Variants in FGF10 observed in about 807,000 individuals in gnomAD.
The protein encoded by FGF10 is fibroblast growth factor 10, also known as FGF-10.
FGF10 carries 2 observed loss-of-function variants against 19.8 expected under a neutral mutation model. The observed-to-expected ratio is 0.10, with a 90% CI of 0.04 to 0.32. FGF10 has a LOEUF of 0.32. Among genes scored for constraint, FGF10 ranks in the 10% least tolerant of loss-of-function variants. The pLI, the probability that FGF10 is intolerant of heterozygous loss-of-function variation, is 1.00. For synonymous variants in FGF10, 112 were observed against 94.0 expected (o/e 1.19, Z -1.10); for missense variants, 191 against 246.3 (o/e 0.78, Z 1.50).
chr5:44,329,414 A>C (rs2111753156), intron 1 of FGF10, among the ~76,000 whole-genome samples: 1 of 152,038 alleles, frequency 6.6e-6, no homozygotes, highest in South Asian at 2.1e-4. Flanking sequence ...TGACCTCTTG[A>C]TCCTCCCGCC....
chr5:44,364,394 A>G (rs377574708), intron 1 of FGF10, among the ~76,000 whole-genome samples: 1 of 151,924 alleles, frequency 6.6e-6, no homozygotes, highest in South Asian at 2.1e-4. Context: ...TTATTCTCCA[A>G]ATATAGTCAG....
chr5:44,315,027 G>C (rs1219405075), intron 1 of FGF10, among the ~76,000 whole-genome samples: 2 of 152,080 alleles, frequency 1.3e-5, no homozygotes, highest in Non-Finnish European at 2.9e-5. Flanking sequence ...TCTATAGACT[G>C]AGTAAATTAA....
chr5:44,325,112 C>A (rs1740580102), intron 1 of FGF10, among the ~76,000 whole-genome samples: 1 of 152,100 alleles, frequency 6.6e-6, no homozygotes, highest in Non-Finnish European at 1.5e-5. Flanking sequence ...GGCATTTATG[C>A]AGCCAAAAGA....
At chr5:44,321,755 A>G (rs2111728747) in intron 1 of FGF10, among the ~76,000 whole-genome samples, 1 of 152,256 alleles carries the variant, frequency 6.6e-6, no homozygotes, top group East Asian at 1.9e-4. Flanking sequence ...ACAGACAGAG[A>G]GCACACACAT....
At chr5:44,335,991 A>T (rs17234233) in intron 1 of FGF10, among the ~76,000 whole-genome samples, 122 of 152,230 alleles carry the variant, frequency 8.0e-4, no homozygotes, top group African/African-American at 2.9e-3. Flanking sequence ...GAAAACTGAA[A>T]TAAGATAACA....
At chr5:44,331,756 A>G (rs1373770747) in intron 1 of FGF10, among the ~76,000 whole-genome samples, 4 of 152,172 alleles carry the variant, frequency 2.6e-5, no homozygotes, top group Admixed American at 6.6e-5. Flanking sequence ...ATTGAAAATT[A>G]AAAGCAGTTA....
intron 1 of FGF10, among the ~76,000 whole-genome samples, chr5:44,350,936 A>G (rs1741218817): frequency 6.6e-6 from 1 of 151,402 alleles, no homozygotes; most frequent in South Asian, 2.1e-4. Flanking sequence ...TTAGTAAATA[A>G]TGCCCGCTGA....
intron 2 of FGF10, 117 bp from the exon 3 acceptor site, chr5:44,305,309 T>C (rs1740050570): frequency 3.5e-6 from 3 of 860,300 alleles, no homozygotes; most frequent in Admixed American, 3.9e-5. Flanking sequence ...CATTTGTACC[T>C]AAGTTGTGCA....
At chr5:44,320,214 C>G (rs1349106951) in intron 1 of FGF10, among the ~76,000 whole-genome samples, 4 of 152,168 alleles carry the variant, frequency 2.6e-5, no homozygotes, top group Admixed American at 6.5e-5. Context: ...CATCATAAAT[C>G]AGTTGCTTAC....
chr5:44,387,389 C>T (rs1742127338), intron 1 of FGF10, among the ~76,000 whole-genome samples: 1 of 152,098 alleles, frequency 6.6e-6, no homozygotes, highest in African/African-American at 2.4e-5. Flanking sequence ...GTAGGGATCC[C>T]AGGCATAATT....
At chr5:44,308,290 A>G (rs183512665) in intron 2 of FGF10, among the ~76,000 whole-genome samples, 1 of 152,322 alleles carries the variant, frequency 6.6e-6, no homozygotes, top group East Asian at 1.9e-4. Flanking sequence ...GTCAGAGTTT[A>G]TTTGAAAGTT....
In FGF10 at chr5:44,301,378, T is replaced by G. The variant is rs1247817989; in HGVS notation, c.*3617A>C. Among the ~76,000 whole-genome samples the G allele has an allele frequency of 6.6e-6, 1 of 152,222 alleles. No homozygotes were observed. Among genetic ancestry groups the G allele is most frequent in the African/African-American group, 2.4e-5 (1 of 41,468 alleles). On this transcript the variant is annotated 3_prime_UTR_variant, in exon 3 of 3. Coordinates refer to ENST00000264664, the MANE Select transcript of FGF10 (RefSeq NM_004465.2). ...CTTGAATTGGCAGCATCCAAATTAT[T>G]AGAACTGTGCAGCATTAATGCTGAT...
chr5:44,359,126 A>G (rs984734061), intron 1 of FGF10, among the ~76,000 whole-genome samples: 3 of 151,450 alleles, frequency 2.0e-5, no homozygotes, highest in Non-Finnish European at 3.0e-5. Context: ...AGCAAAGTCA[A>G]ATTATCATCT....
intron 1 of FGF10, among the ~76,000 whole-genome samples, chr5:44,312,498 C>A (rs1740236777): frequency 6.6e-6 from 1 of 152,078 alleles, no homozygotes; most frequent in Non-Finnish European, 1.5e-5. Context: ...CTGTTGCAAA[C>A]CATCTGACAA....
At chr5:44,331,760 GC>G (rs1369426991) in intron 1 of FGF10, among the ~76,000 whole-genome samples, 2 of 152,056 alleles carry the variant, frequency 1.3e-5, no homozygotes, top group Non-Finnish European at 2.9e-5. Context: ...AAAATTAAAA[GC>G]AGTTACCAGC....
At chr5:44,359,764 G>T (rs1459993757) in intron 1 of FGF10, among the ~76,000 whole-genome samples, 6 of 151,412 alleles carry the variant, frequency 4.0e-5, no homozygotes, top group South Asian at 2.1e-4. Flanking sequence ...TAATGGTCAA[G>T]TGAGGGCTTT....
At chr5:44,372,024 T>C (rs777769476) in intron 1 of FGF10, among the ~76,000 whole-genome samples, 1 of 152,152 alleles carries the variant, frequency 6.6e-6, no homozygotes, top group Non-Finnish European at 1.5e-5. Context: ...CTGTATTACT[T>C]TTCTAGGGCC....
chr5:44,365,064 TTATTACTGTAAAA>T (rs2111866393), intron 1 of FGF10, among the ~76,000 whole-genome samples: 1 of 151,966 alleles, frequency 6.6e-6, no homozygotes, highest in Admixed American at 6.6e-5. Flanking sequence ...CCAATTATAG[TTATTACTGTAAAA>T]TGTCGGCATG....
intron 1 of FGF10, among the ~76,000 whole-genome samples, chr5:44,329,862 G>A (rs1469329523): frequency 6.6e-6 from 1 of 152,092 alleles, no homozygotes. Flanking sequence ...CTGTGAATTT[G>A]CGCTAAATTC....
Sources: gnomAD v4.1 joint callset for allele counts (sites outside exome capture counted in the v4.1 genomes callset) on GRCh38, gnomAD v4.1.1 for gene constraint, MANE v1.5 for transcripts, NCBI Gene and HGNC (gene_info 2026-07-23, HGNC 2026-07-21) for gene names.